SOX5: variants seen among roughly 807,000 people sequenced by gnomAD.
SOX5 encodes SRY-box transcription factor 5, also known as transcription factor SOX-5.
A neutral mutation model predicts 92.0 loss-of-function variants in SOX5; 9 were observed. The ratio of observed to expected loss-of-function variants is 0.10; its 90% CI spans 0.06 to 0.17. The LOEUF is 0.17. Among genes scored for constraint, SOX5 ranks in the 10% least tolerant of loss-of-function variants. The pLI, the probability that SOX5 is intolerant of heterozygous loss-of-function variation, is 1.00. For synonymous variants in SOX5, 344 were observed against 336.3 expected (o/e 1.02, Z -0.25); for missense variants, 642 against 944.5 (o/e 0.68, Z 4.20).
chr12:24,248,994 C>T (rs961172111), intron 3 of SOX5, among the ~76,000 whole-genome samples: 2 of 152,160 alleles, frequency 1.3e-5, no homozygotes, highest in African/African-American at 4.8e-5. Flanking sequence ...AAAAGCACGT[C>T]CTTTAGTAGA....
chr12:24,083,164 T>C (rs1448322794), intron 4 of SOX5, among the ~76,000 whole-genome samples: 2 of 151,998 alleles, frequency 1.3e-5, no homozygotes, highest in African/African-American at 2.4e-5. Flanking sequence ...TCAAGTGTAT[T>C]CAATTTGTTA....
chr12:24,512,805 T>A (rs756444985), intron 1 of SOX5, among the ~76,000 whole-genome samples: 1 of 152,308 alleles, frequency 6.6e-6, no homozygotes, highest in African/African-American at 2.4e-5. Context: ...ATCTCTAAAG[T>A]CAAGGAGAAC....
intron 4 of SOX5, among the ~76,000 whole-genome samples, chr12:24,153,339 C>G (rs1951846174): frequency 6.6e-6 from 1 of 152,086 alleles, no homozygotes; most frequent in Non-Finnish European, 1.5e-5. Flanking sequence ...TTTGATAAAG[C>G]AAGACCAGAT....
intron 7 of SOX5, among the ~76,000 whole-genome samples, chr12:23,661,548 GT>G (rs1422996278): frequency 1.3e-5 from 2 of 152,202 alleles, no homozygotes; most frequent in African/African-American, 2.4e-5. Context: ...AGTCAATTTT[GT>G]GTAAAGTAGG....
intron 6 of SOX5, among the ~76,000 whole-genome samples, chr12:23,678,214 C>T (rs2086016318): frequency 6.6e-6 from 1 of 151,924 alleles, no homozygotes; most frequent in Admixed American, 6.6e-5. Context: ...ATCTTCTAGT[C>T]AAGAAGAAAT....
intron 3 of SOX5, among the ~76,000 whole-genome samples, chr12:23,784,451 C>T (rs1243416209): frequency 1.3e-5 from 2 of 152,026 alleles, no homozygotes; most frequent in African/African-American, 2.4e-5. Context: ...CTCAGCCTCC[C>T]GAGTAGCTGG....
intron 8 of SOX5, among the ~76,000 whole-genome samples, chr12:23,606,485 A>T (rs2075275555): frequency 6.6e-6 from 1 of 151,680 alleles, no homozygotes; most frequent in Admixed American, 6.6e-5. Flanking sequence ...GATAAAGAAA[A>T]TGTGAACAAA....
intron 1 of SOX5, among the ~76,000 whole-genome samples, chr12:23,928,435 G>C (rs1159566471): frequency 6.6e-6 from 1 of 152,000 alleles, no homozygotes; most frequent in Non-Finnish European, 1.5e-5. Flanking sequence ...CTGACATTCA[G>C]AGGATGTATG....
At chr12:24,020,986 G>A (rs375127799) in intron 4 of SOX5, among the ~76,000 whole-genome samples, 31 of 152,134 alleles carry the variant, frequency 2.0e-4, no homozygotes, top group African/African-American at 6.5e-4. Flanking sequence ...GACACTGTTG[G>A]CAAAAAGCCT....
chr12:24,412,132 A>G (rs1964216126), intron 1 of SOX5, among the ~76,000 whole-genome samples: 1 of 152,208 alleles, frequency 6.6e-6, no homozygotes. Context: ...TATCGTATCG[A>G]TACGATCGAT....
In SOX5 at chr12:24,110,224, A is replaced by T. The variant is rs530580664; in HGVS notation, c.-2+103119T>A. On this transcript the variant is annotated intron_variant, in intron 4 of 4. Transcript: ENST00000446891. The stretch of plus-strand genomic sequence containing the variant: ...CACCATTCTCTTGCCAACACCAATA[A>T]AGCTTTCAAAACTTCATGACAAACC... 1.4e-4 allele frequency among the ~76,000 whole-genome samples: 21 copies of T among 152,298 alleles called. No homozygotes were observed. The South Asian group carries it at 4.4e-3, about 32-fold the overall frequency.
At chr12:23,548,855 G>A (rs1372429206) in intron 11 of SOX5, among the ~76,000 whole-genome samples, 1 of 151,820 alleles carries the variant, frequency 6.6e-6, no homozygotes, top group African/African-American at 2.4e-5. Context: ...AGAATGAATG[G>A]GATTTAAGAA....
At chr12:24,432,121 C>A (rs1424905230) in intron 1 of SOX5, among the ~76,000 whole-genome samples, 1 of 152,160 alleles carries the variant, frequency 6.6e-6, no homozygotes, top group Non-Finnish European at 1.5e-5. Flanking sequence ...CCCAGCATGA[C>A]ACCTTACTAT....
chr12:24,411,404 A>G (rs1964051821), intron 1 of SOX5, among the ~76,000 whole-genome samples: 1 of 152,166 alleles, frequency 6.6e-6, no homozygotes, highest in Non-Finnish European at 1.5e-5. Flanking sequence ...ATCTAAGAGG[A>G]AACACTCATG....
chr12:23,659,316 T>C (rs956341098), intron 7 of SOX5, among the ~76,000 whole-genome samples: 3 of 152,218 alleles, frequency 2.0e-5, no homozygotes, highest in Non-Finnish European at 1.5e-5. Flanking sequence ...ACATTAATTT[T>C]ATTGCGGTGT....
rs540852860 is a variant in SOX5, at chr12:23,562,680, TCAGA to T, written c.1488+574_1488+577del. ...CAAAAGGGCTTGAAATCATTGTCTC[TCAGA>T]CAAATTCAGAAGTTTCACTGGCCTT... is the stretch of plus-strand genomic sequence containing the variant. On this transcript the variant is annotated intron_variant, in intron 11 of 14. Coordinates refer to ENST00000451604, the MANE Select transcript of SOX5 (RefSeq NM_006940.6). Among the ~76,000 whole-genome samples the T allele has an allele frequency of 1.0e-2, 1,518 of 152,330 alleles. 25 individuals are homozygous for T. Among genetic ancestry groups the T allele is most frequent in the African/African-American group, 0.034 (1,411 of 41,572 alleles).
chr12:23,589,217 G>T (rs184204649), intron 9 of SOX5, among the ~76,000 whole-genome samples: 76 of 151,820 alleles, frequency 5.0e-4, no homozygotes, highest in Non-Finnish European at 9.9e-4. Flanking sequence ...GAGAAGCAGA[G>T]AAAAATAACC....
In SOX5 at chr12:24,067,667, G is replaced by T. The variant is rs191695481; in HGVS notation, c.-2+145676C>A. 2.2e-4 allele frequency among the ~76,000 whole-genome samples: 34 copies of T among 152,216 alleles called. No homozygotes were observed. The East Asian group carries it at 5.6e-3, about 25-fold the overall frequency. On this transcript the variant is annotated intron_variant, in intron 4 of 4. Coordinates refer to the SOX5 transcript ENST00000446891. Reference sequence around the variant, plus strand: ...TCTGAGATTGATCAACGATTTTATGGATTATACATACTCTTCACTTCCTTC... The same window carrying T: ...TCTGAGATTGATCAACGATTTTATGTATTATACATACTCTTCACTTCCTTC...
intron 2 of SOX5, among the ~76,000 whole-genome samples, chr12:24,292,634 G>A (rs1430064135): frequency 1.3e-5 from 2 of 152,158 alleles, no homozygotes; most frequent in African/African-American, 2.4e-5. Flanking sequence ...TAGAGATAAA[G>A]AAGATAATCT....
Sources: gnomAD v4.1 joint callset for allele counts (sites outside exome capture counted in the v4.1 genomes callset) on GRCh38, gnomAD v4.1.1 for gene constraint, MANE v1.5 for transcripts, NCBI Gene and HGNC (gene_info 2026-07-23, HGNC 2026-07-21) for gene names.